ZNF385D: variants seen among roughly 807,000 people sequenced by gnomAD.
The protein encoded by ZNF385D is zinc finger protein 659.
ZNF385D carries 15 observed loss-of-function variants against 35.8 expected under a neutral mutation model. That is an observed-to-expected ratio of 0.42 (90% confidence interval 0.28 to 0.64). ZNF385D has a LOEUF of 0.64. ZNF385D is among the 30% of genes least tolerant of loss of function. The probability of loss-of-function intolerance (pLI) is 0.23; values close to 1 mark genes in which losing one functional copy is unlikely to be tolerated. For missense variants in ZNF385D, 474 were observed against 494.6 expected (o/e 0.96, Z 0.39); for synonymous variants, 212 against 186.8 (o/e 1.13, Z -1.10).
intron 3 of ZNF385D, among the ~76,000 whole-genome samples, chr3:22,150,024 T>A (rs965363604): frequency 6.6e-6 from 1 of 152,204 alleles, no homozygotes; most frequent in South Asian, 2.1e-4. Context: ...GATGAAATAA[T>A]GAATTAAAAT....
At chr3:22,010,489 C>T (rs1224825517) in intron 3 of ZNF385D, among the ~76,000 whole-genome samples, 1 of 152,168 alleles carries the variant, frequency 6.6e-6, no homozygotes, top group African/African-American at 2.4e-5. Context: ...TCAAGAGACA[C>T]CTATTGAGTT....
intron 3 of ZNF385D, among the ~76,000 whole-genome samples, chr3:21,939,760 A>C (rs561555928): frequency 1.3e-5 from 2 of 152,228 alleles, no homozygotes; most frequent in Non-Finnish European, 2.9e-5. Flanking sequence ...GAAGGTTTTA[A>C]GCACTAGATT....
chr3:21,929,820 G>A (rs977790792), intron 3 of ZNF385D, among the ~76,000 whole-genome samples: 5 of 151,924 alleles, frequency 3.3e-5, no homozygotes, highest in Admixed American at 2.6e-4. Context: ...TAAATAGGGA[G>A]ACATTCTGCG....
intron 3 of ZNF385D, among the ~76,000 whole-genome samples, chr3:22,058,380 A>C (rs1699519543): frequency 6.6e-6 from 1 of 152,204 alleles, no homozygotes; most frequent in Admixed American, 6.5e-5. Context: ...GATTCAAGCC[A>C]GGATAGAACC....
chr3:21,862,375 G>C (rs1029785041), intron 3 of ZNF385D, among the ~76,000 whole-genome samples: 1 of 151,222 alleles, frequency 6.6e-6, no homozygotes, highest in African/African-American at 2.4e-5. Flanking sequence ...TACTCAAAGT[G>C]ATATAAATCA....
intron 2 of ZNF385D, among the ~76,000 whole-genome samples, chr3:21,623,128 A>G (rs1002600736): frequency 1.3e-5 from 2 of 152,038 alleles, no homozygotes; most frequent in Non-Finnish European, 2.9e-5. Context: ...TTTGGCTCTC[A>G]GTTTCCTCAT....
At chr3:21,741,629 C>CT (rs752972642) in intron 1 of ZNF385D, among the ~76,000 whole-genome samples, 53 of 67,902 alleles carry the variant, frequency 7.8e-4, no homozygotes, top group South Asian at 1.3e-3. Context: ...AATATTTTGC[C>CT]TTGTTTTTTT....
chr3:21,802,712 G>A (rs2072462661), intron 3 of ZNF385D, among the ~76,000 whole-genome samples: 1 of 152,164 alleles, frequency 6.6e-6, no homozygotes, highest in African/African-American at 2.4e-5. Context: ...CACTATCTGT[G>A]TGAACTTGGC....
At chr3:21,537,124 C>CTT (rs35873199) in intron 3 of ZNF385D, among the ~76,000 whole-genome samples, 2,173 of 95,000 alleles carry the variant, frequency 0.023, 125 homozygotes, top group East Asian at 0.027. Flanking sequence ...AAAATATCAA[C>CTT]TTTTTTTTTT....
chr3:22,178,099 C>T, intron 2 of ZNF385D, among the ~76,000 whole-genome samples: 1 of 152,156 alleles, frequency 6.6e-6, no homozygotes, highest in South Asian at 2.1e-4. Context: ...GGTATATACC[C>T]AGTAATGGGA....
At chr3:22,275,868 T>C (rs2125370244) in intron 2 of ZNF385D, among the ~76,000 whole-genome samples, 1 of 152,278 alleles carries the variant, frequency 6.6e-6, no homozygotes, top group Admixed American at 6.5e-5. Flanking sequence ...GTGGATAACC[T>C]GAGGTCAGGA....
chr3:22,299,800 T>TA (rs1408639993), intron 2 of ZNF385D, among the ~76,000 whole-genome samples: 4 of 151,836 alleles, frequency 2.6e-5, no homozygotes, highest in Non-Finnish European at 4.4e-5. Flanking sequence ...AAAATATTGA[T>TA]AAAAGACATT....
intron 3 of ZNF385D, among the ~76,000 whole-genome samples, chr3:21,872,487 G>C (rs1559710673): frequency 6.6e-6 from 1 of 152,074 alleles, no homozygotes; most frequent in Non-Finnish European, 1.5e-5. Context: ...CATATTGTTG[G>C]TCTTATGTAA....
intron 3 of ZNF385D, among the ~76,000 whole-genome samples, chr3:21,803,765 A>G (rs2072513195): frequency 6.6e-6 from 1 of 152,172 alleles, no homozygotes; most frequent in African/African-American, 2.4e-5. Flanking sequence ...TACTTACTGA[A>G]TATCTCCATA....
At chr3:21,705,520 C>CA (rs1362193743) in intron 1 of ZNF385D, among the ~76,000 whole-genome samples, 25 of 152,316 alleles carry the variant, frequency 1.6e-4, no homozygotes, top group Middle Eastern at 3.4e-3. Flanking sequence ...AATGATCCTA[C>CA]AGCTTTCAAT....
chr3:22,186,167 T>C (rs1695616948), intron 2 of ZNF385D, among the ~76,000 whole-genome samples: 1 of 152,190 alleles, frequency 6.6e-6, no homozygotes, highest in Non-Finnish European at 1.5e-5. Flanking sequence ...GTGAGGTTTT[T>C]CTTTAGGAAC....
At chr3:21,880,812 A>ACTTTTTTTC (rs1183041860) in intron 3 of ZNF385D, among the ~76,000 whole-genome samples, 26 of 152,102 alleles carry the variant, frequency 1.7e-4, no homozygotes, top group Non-Finnish European at 3.1e-4. Flanking sequence ...AAAAATGGAA[A>ACTTTTTTTC]ATGCTACTTC....
At chr3:21,611,356 A>G (rs2064672114) in intron 2 of ZNF385D, among the ~76,000 whole-genome samples, 1 of 152,218 alleles carries the variant, frequency 6.6e-6, no homozygotes. Flanking sequence ...CTTGCAATCC[A>G]GGTGGGCTGT....
intron 3 of ZNF385D, among the ~76,000 whole-genome samples, chr3:22,152,921 T>C (rs1368649373): frequency 6.6e-6 from 1 of 152,130 alleles, no homozygotes; most frequent in African/African-American, 2.4e-5. Context: ...TGGTGAAATC[T>C]TGCACTGGTT....
Sources: allele counts gnomAD v4.1 joint callset (sites outside exome capture counted in the v4.1 genomes callset), GRCh38; gene constraint gnomAD v4.1.1; transcripts MANE v1.5; gene names NCBI Gene and HGNC (gene_info 2026-07-23, HGNC 2026-07-21).